TTC28: variants seen among roughly 807,000 people sequenced by gnomAD.
The protein encoded by TTC28 is tetratricopeptide repeat domain 28, also known as tetratricopeptide repeat protein 28.
Under a neutral mutation model 198.0 loss-of-function variants are expected in TTC28, and 61 were observed. The ratio of observed to expected loss-of-function variants is 0.31; its 90% CI spans 0.25 to 0.38. The LOEUF (loss-of-function observed/expected upper bound fraction) is 0.38, where lower values mean the gene tolerates loss of function less well. Among genes scored for constraint, TTC28 ranks in the 10% least tolerant of loss-of-function variants. The probability of loss-of-function intolerance (pLI) is 1.00; values close to 1 mark genes in which losing one functional copy is unlikely to be tolerated. For synonymous variants in TTC28, 1,171 were observed against 1,297.8 expected, an observed-to-expected ratio of 0.90 and a Z score of 2.10; for missense variants, 2,678 against 3,164.0, an observed-to-expected ratio of 0.85 and a Z score of 3.69.
At chr22:28,184,892 C>G (rs988893) in intron 5 of TTC28, among the ~76,000 whole-genome samples, 10,931 of 152,034 alleles carry the variant, frequency 0.072, 453 homozygotes, top group South Asian at 0.091. Context: ...GGGAAGGAGG[C>G]ACAGCATGAG....
chr22:28,235,842 A>T (rs899887009), intron 5 of TTC28, among the ~76,000 whole-genome samples: 2 of 152,232 alleles, frequency 1.3e-5, no homozygotes, highest in Non-Finnish European at 2.9e-5. Flanking sequence ...TCTATTGTTA[A>T]CTTCGTTAAG....
intron 6 of TTC28, among the ~76,000 whole-genome samples, chr22:28,152,698 A>G (rs1159698605): frequency 2.0e-5 from 3 of 152,228 alleles, no homozygotes; most frequent in Admixed American, 2.0e-4. Context: ...GACCCCATAT[A>G]TCATTCTGAG....
rs761102684 is a variant in TTC28, at chr22:28,061,072, AT to A, written c.3933-30707del. On this transcript the variant is annotated intron_variant, in intron 12 of 22. Transcript: ENST00000397906. The stretch of plus-strand genomic sequence containing the variant: ...ATCCACTTTTTGATGAGGTTGTTTG[AT>A]TTTTTTCTTGTAAATTTAAGTTCCT... Among the ~76,000 whole-genome samples the A allele has an allele frequency of 2.6e-5, 4 of 152,024 alleles. No homozygotes were observed. In the South Asian group the frequency reaches 6.2e-4, roughly 24 times the overall value.
At position 28,153,687 on chromosome 22, in the gene TTC28, A is replaced by G. The variant is rs1177524581; in HGVS notation, c.1441+9405T>C. On this transcript the variant is annotated intron_variant, in intron 6 of 22. Transcript: ENST00000397906. ...ACCACATAACTAATGTTCGACAAAT[A>G]TTTGTTGATCAAAAGAATGAATGAA... 3.3e-5 allele frequency among the ~76,000 whole-genome samples: 5 copies of G among 152,200 alleles called. No homozygotes were observed. The South Asian group carries it at 1.0e-3, about 31-fold the overall frequency.
chr22:28,275,968 T>C (rs1359047287), intron 5 of TTC28, among the ~76,000 whole-genome samples: 1 of 152,072 alleles, frequency 6.6e-6, no homozygotes, highest in Non-Finnish European at 1.5e-5. Context: ...AGGACAGTTT[T>C]ATAGATGGCT....
At chr22:28,608,811 T>C (rs2050774546) in intron 2 of TTC28, among the ~76,000 whole-genome samples, 1 of 152,170 alleles carries the variant, frequency 6.6e-6, no homozygotes, top group African/African-American at 2.4e-5. Context: ...AGCTGAGGAC[T>C]ACGCTACCTG....
chr22:28,574,385 A>T (rs1021923449), intron 2 of TTC28, among the ~76,000 whole-genome samples: 55 of 145,462 alleles, frequency 3.8e-4, no homozygotes, highest in African/African-American at 6.2e-4. Context: ...GTTGTGTGTG[A>T]GTGTGTGTGT....
chr22:28,621,993 C>A (rs1341595982), intron 2 of TTC28, among the ~76,000 whole-genome samples: 1 of 151,912 alleles, frequency 6.6e-6, no homozygotes, highest in East Asian at 1.9e-4. Context: ...CTGGACTCAC[C>A]CCAACCCAGA....
chr22:28,371,509 C>CAAAAAAAAAAAA (rs1229801209), intron 2 of TTC28, among the ~76,000 whole-genome samples: 91 of 6,104 alleles, frequency 0.015, 21 homozygotes, highest in Non-Finnish European at 0.015. Context: ...GACCCTGTCT[C>CAAAAAAAAAAAA]AAAAAAAAAA....
chr22:28,130,943 G>A (rs1246646485), intron 6 of TTC28, among the ~76,000 whole-genome samples: 1 of 152,160 alleles, frequency 6.6e-6, no homozygotes, highest in African/African-American at 2.4e-5. Context: ...TTCTGCCTGA[G>A]GAGCCAAACG....
At chr22:28,149,824 T>A (rs949344176) in intron 6 of TTC28, among the ~76,000 whole-genome samples, 1 of 152,210 alleles carries the variant, frequency 6.6e-6, no homozygotes, top group Non-Finnish European at 1.5e-5. Context: ...ATTTTAGTGA[T>A]CTGTTGCACA....
In TTC28 at chr22:28,466,244, G is replaced by A. The variant is rs572874907; in HGVS notation, c.382-159601C>T. Among the ~76,000 whole-genome samples the A allele has an allele frequency of 7.9e-5, 12 of 152,244 alleles. No individual in the cohort carries two copies. The East Asian group carries it at 1.5e-3, about 20-fold the overall frequency. On this transcript the variant is annotated intron_variant, in intron 2 of 22. Transcript: ENST00000397906. ...TCTCACAAAAGTCTCCCAATACTTC[G>A]CATGAAGAGCATCCACTAGAGAAAT...
chr22:28,348,405 T>G (rs2045943299), intron 2 of TTC28, among the ~76,000 whole-genome samples: 1 of 152,164 alleles, frequency 6.6e-6, no homozygotes, highest in South Asian at 2.1e-4. Context: ...CTAGGACGCC[T>G]CCAGAGGCTA....
Position 28,129,196 on chromosome 22 carries a change from G to A in TTC28, c.1442-20793C>T, listed in dbSNP as rs191211055. ...GAAGGGAGGCAGATGAACTGTTCCC[G>A]ATGGAAATCCCATTAACAGGGGCAA... On this transcript the variant is annotated intron_variant, in intron 6 of 22. Transcript: ENST00000397906. 9.4e-4 allele frequency among the ~76,000 whole-genome samples: 143 copies of A among 152,274 alleles called. 2 individuals carry two copies. The highest frequency in any genetic ancestry group is 3.0e-3 in the African/African-American group (125 of 41,566).
In TTC28 at chr22:28,096,041, C is replaced by T. The variant is rs573050802; in HGVS notation, c.3766+149G>A. ...GTCTTATTATCTGAATGCCCCACCA[C>T]GGCATATCCACTGCGGCTGAGGTTT... On this transcript the variant is annotated intron_variant, in intron 11 of 22. Transcript: ENST00000397906. 2.6e-4 allele frequency: 328 copies of T among 1,238,432 alleles called. 1 individual carries two copies. The African/African-American group carries it at 3.0e-3, about 11-fold the overall frequency. 76.7% of individuals were successfully genotyped at this position (1,238,432 alleles called of 1,614,324 possible).
intron 6 of TTC28, among the ~76,000 whole-genome samples, chr22:28,121,657 C>G (rs979237115): frequency 6.6e-6 from 1 of 152,100 alleles, no homozygotes; most frequent in African/African-American, 2.4e-5. Context: ...TTAAAAAATG[C>G]TTGTGGCAGA....
intron 2 of TTC28, among the ~76,000 whole-genome samples, chr22:28,481,975 C>A (rs545731152): frequency 6.6e-6 from 1 of 152,294 alleles, no homozygotes; most frequent in East Asian, 1.9e-4. Flanking sequence ...CATTTCTGAA[C>A]TTGACAAGTG....
At chr22:28,543,265 G>T (rs2049457425) in intron 2 of TTC28, among the ~76,000 whole-genome samples, 1 of 152,094 alleles carries the variant, frequency 6.6e-6, no homozygotes, top group African/African-American at 2.4e-5. Flanking sequence ...TTGAGCACAG[G>T]AGGTCAAAGC....
chr22:28,461,275 C>T (rs914224763), intron 2 of TTC28, among the ~76,000 whole-genome samples: 1 of 152,220 alleles, frequency 6.6e-6, no homozygotes, highest in African/African-American at 2.4e-5. Context: ...TAACTATTGA[C>T]CTACCCAAAG....
Sources: gnomAD v4.1 joint callset for allele counts (sites outside exome capture counted in the v4.1 genomes callset) on GRCh38, gnomAD v4.1.1 for gene constraint, MANE v1.5 for transcripts, NCBI Gene and HGNC (gene_info 2026-07-23, HGNC 2026-07-21) for gene names.